DYNC1LI1: variants seen among roughly 807,000 people sequenced by gnomAD.
DYNC1LI1 encodes the protein dynein cytoplasmic 1 light intermediate chain 1.
In DYNC1LI1, 19 loss-of-function variants were observed where a neutral mutation model predicts 63.8. The ratio of observed to expected loss-of-function variants is 0.30; its 90% CI spans 0.21 to 0.44. The LOEUF (loss-of-function observed/expected upper bound fraction) is 0.44, where lower values mean the gene tolerates loss of function less well. Ranked by LOEUF, DYNC1LI1 falls within the 20% of genes least tolerant of loss-of-function variation. The probability of loss-of-function intolerance (pLI) is 1.00; values close to 1 mark genes in which losing one functional copy is unlikely to be tolerated. For missense variants in DYNC1LI1, 565 were observed against 630.2 expected (o/e 0.90, Z 1.11); for synonymous variants, 225 against 232.3 (o/e 0.97, Z 0.28).
At chr3:32,529,928 T>C (rs184081504) in intron 10 of DYNC1LI1, among the ~76,000 whole-genome samples, 7 of 152,126 alleles carry the variant, frequency 4.6e-5, no homozygotes, top group African/African-American at 1.7e-4. Flanking sequence ...AGCTTGGGAG[T>C]CAGACTTGGT....
chr3:32,535,781 T>A (rs1373036093), intron 6 of DYNC1LI1, among the ~76,000 whole-genome samples: 1 of 152,208 alleles, frequency 6.6e-6, no homozygotes, highest in East Asian at 1.9e-4. Flanking sequence ...TATCTTGAGA[T>A]GACTTCTCAC....
chr3:32,540,286 C>G (rs1201940852), intron 5 of DYNC1LI1, among the ~76,000 whole-genome samples: 1 of 151,984 alleles, frequency 6.6e-6, no homozygotes, highest in Non-Finnish European at 1.5e-5. Context: ...AAAACAGAAA[C>G]CCTTGATGAC....
chr3:32,537,944 ATATAATT>A (rs1184369390), intron 5 of DYNC1LI1, among the ~76,000 whole-genome samples: 522 of 11,642 alleles, frequency 0.045, 59 homozygotes, highest in Non-Finnish European at 0.055. Flanking sequence ...TATAATATAT[ATATAATT>A]TATATATATA....
At chr3:32,567,703 CT>C (rs749073673) in intron 2 of DYNC1LI1, among the ~76,000 whole-genome samples, 5,213 of 122,070 alleles carry the variant, frequency 0.043, 282 homozygotes, top group African/African-American at 0.15. Flanking sequence ...CATACCCGGC[CT>C]TTTTTTTTTT....
intron 11 of DYNC1LI1, among the ~76,000 whole-genome samples, chr3:32,528,944 T>C (rs2125428499): frequency 6.6e-6 from 1 of 152,214 alleles, no homozygotes; most frequent in Admixed American, 6.5e-5. Context: ...AGTTACAGAA[T>C]CCTATATGAA....
intron 2 of DYNC1LI1, among the ~76,000 whole-genome samples, chr3:32,546,366 C>T (rs1259630297): frequency 6.6e-6 from 1 of 151,978 alleles, no homozygotes; most frequent in Non-Finnish European, 1.5e-5. Flanking sequence ...CAAGATTGTG[C>T]CACTGTACTC....
At chr3:32,558,800 C>T (rs959446303) in intron 2 of DYNC1LI1, among the ~76,000 whole-genome samples, 1 of 151,360 alleles carries the variant, frequency 6.6e-6, no homozygotes, top group South Asian at 2.1e-4. Flanking sequence ...AAGCCAAGAT[C>T]GCACCATTGC....
intron 5 of DYNC1LI1, among the ~76,000 whole-genome samples, chr3:32,537,914 ATT>A (rs1294065207): frequency 8.8e-5 from 6 of 68,266 alleles, no homozygotes; most frequent in African/African-American, 4.3e-4. Flanking sequence ...TATATATATA[ATT>A]TATATATATA....
At chr3:32,559,798 G>T (rs960601191) in intron 2 of DYNC1LI1, among the ~76,000 whole-genome samples, 2 of 152,132 alleles carry the variant, frequency 1.3e-5, no homozygotes, top group African/African-American at 2.4e-5. Flanking sequence ...TGACATTTTT[G>T]ATTTGGACTT....
At chr3:32,556,257 G>C (rs998527117) in intron 2 of DYNC1LI1, among the ~76,000 whole-genome samples, 6 of 152,156 alleles carry the variant, frequency 3.9e-5, no homozygotes, top group Non-Finnish European at 8.8e-5. Flanking sequence ...CCACATGTTT[G>C]GTTAAGTGCC....
chr3:32,560,649 A>C (rs533271261), intron 2 of DYNC1LI1, among the ~76,000 whole-genome samples: 5 of 152,198 alleles, frequency 3.3e-5, no homozygotes, highest in South Asian at 2.1e-4. Flanking sequence ...TTAAAAAAAA[A>C]CAGAACTTAT....
intron 5 of DYNC1LI1, among the ~76,000 whole-genome samples, chr3:32,540,070 C>T (rs1450568371): frequency 6.6e-5 from 10 of 151,128 alleles, no homozygotes; most frequent in East Asian, 2.0e-4. Flanking sequence ...GGGGTTTCAC[C>T]GTTTTAGCCA....
Position 32,526,709 on chromosome 3 carries a change from T to G in DYNC1LI1, c.*90A>C. 1.0e-6 allele frequency: 1 copy of G among 958,478 alleles called. No homozygotes were observed. Among genetic ancestry groups the G allele is most frequent in the Non-Finnish European group, 1.6e-6 (1 of 609,772 alleles). 59.4% of individuals were successfully genotyped at this position (958,478 alleles called of 1,614,324 possible). On this transcript the variant is annotated 3_prime_UTR_variant, in exon 13 of 13. Coordinates refer to ENST00000273130, the MANE Select transcript of DYNC1LI1 (RefSeq NM_016141.4). ...AAATTTAGTCCATCTGAAGAAGCACTCCAGCTTTCTAATTCCACTTTTGAA... is the reference window on the plus strand; with the variant it reads ...AAATTTAGTCCATCTGAAGAAGCACGCCAGCTTTCTAATTCCACTTTTGAA...
chr3:32,541,926 G>A (rs1008056768), intron 4 of DYNC1LI1, among the ~76,000 whole-genome samples: 1 of 151,914 alleles, frequency 6.6e-6, no homozygotes, highest in Non-Finnish European at 1.5e-5. Context: ...AAACAAATTT[G>A]GAAACAAACT....
At chr3:32,551,429 G>T (rs1245462529) in intron 2 of DYNC1LI1, among the ~76,000 whole-genome samples, 1 of 152,156 alleles carries the variant, frequency 6.6e-6, no homozygotes, top group Non-Finnish European at 1.5e-5. Context: ...GAAGCAAAAG[G>T]TGAAAACAAA....
chr3:32,570,570 G>C, intron 1 of DYNC1LI1, 55 bp downstream of exon 1: 1 of 1,532,280 alleles, frequency 6.5e-7, no homozygotes, highest in Non-Finnish European at 8.8e-7. Flanking sequence ...ATCCCGAGGC[G>C]TCCGCGCAAG....
At chr3:32,547,349 T>C (rs2125438896) in intron 2 of DYNC1LI1, among the ~76,000 whole-genome samples, 1 of 152,332 alleles carries the variant, frequency 6.6e-6, no homozygotes, top group South Asian at 2.1e-4. Context: ...CATGGACTTA[T>C]TAGAATCATA....
At chr3:32,533,242 G>A (rs1002083160) in intron 7 of DYNC1LI1, 145 bp from the exon 8 acceptor site, 9 of 1,303,828 alleles carry the variant, frequency 6.9e-6, no homozygotes, top group African/African-American at 1.6e-5. Flanking sequence ...TGATGTCCAC[G>A]TTTTACTAAT....
At chr3:32,528,909 A>T (rs939844120) in intron 11 of DYNC1LI1, among the ~76,000 whole-genome samples, 1 of 152,204 alleles carries the variant, frequency 6.6e-6, no homozygotes, top group Non-Finnish European at 1.5e-5. Context: ...AGAACTGTTG[A>T]GAAACTGCCT....
Sources: allele counts gnomAD v4.1 joint callset (sites outside exome capture counted in the v4.1 genomes callset), GRCh38; gene constraint gnomAD v4.1.1; transcripts MANE v1.5; gene names NCBI Gene and HGNC (gene_info 2026-07-23, HGNC 2026-07-21).